The following KCNAB1 variants were observed in gnomAD, a reference collection of about 807,000 sequenced individuals.
KCNAB1 encodes the protein potassium voltage-gated channel subfamily A regulatory beta subunit 1.
KCNAB1 carries 35 observed loss-of-function variants against 64.6 expected under a neutral mutation model. That is an observed-to-expected ratio of 0.54 (90% CI 0.41 to 0.72). KCNAB1 has a LOEUF of 0.72. Among genes scored for constraint, KCNAB1 ranks in the 30% least tolerant of loss-of-function variants. The pLI is 0.00. For missense variants in KCNAB1, 401 were observed against 512.9 expected, an observed-to-expected ratio of 0.78 and a Z score of 2.11; for synonymous variants, 177 against 183.8, an observed-to-expected ratio of 0.96 and a Z score of 0.30.
chr3:156,474,967 C>T, intron 8 of KCNAB1, 147 bp downstream of exon 8: 1 of 631,012 alleles, frequency 1.6e-6, no homozygotes, highest in Non-Finnish European at 2.7e-6. Context: ...CTTTTGGCCT[C>T]AGCGTTTAAC....
chr3:156,248,371 C>A (rs929723144), intron 1 of KCNAB1, among the ~76,000 whole-genome samples: 2 of 151,988 alleles, frequency 1.3e-5, no homozygotes, highest in African/African-American at 2.4e-5. Flanking sequence ...CAAAACTCCC[C>A]GGTAGTTCTG....
At chr3:156,244,678 C>T (rs749106212) in intron 1 of KCNAB1, among the ~76,000 whole-genome samples, 5 of 152,180 alleles carry the variant, frequency 3.3e-5, no homozygotes, top group Non-Finnish European at 5.9e-5. Context: ...TCTGACTTAA[C>T]CCTGATAGAT....
chr3:156,327,307 G>A (rs2108037229), intron 1 of KCNAB1, among the ~76,000 whole-genome samples: 1 of 152,242 alleles, frequency 6.6e-6, no homozygotes, highest in Admixed American at 6.5e-5. Context: ...CAAATGCCTT[G>A]TCTTTGAGTA....
intron 1 of KCNAB1, among the ~76,000 whole-genome samples, chr3:156,264,937 T>C (rs1718615115): frequency 6.6e-6 from 1 of 152,216 alleles, no homozygotes; most frequent in African/African-American, 2.4e-5. Flanking sequence ...CCAACTACTA[T>C]CTTGAGTTGT....
chr3:156,372,147 T>A (rs1726344886), intron 1 of KCNAB1, among the ~76,000 whole-genome samples: 1 of 152,148 alleles, frequency 6.6e-6, no homozygotes, highest in Non-Finnish European at 1.5e-5. Context: ...AAAGGGAGAT[T>A]GGATACAACA....
intron 1 of KCNAB1, among the ~76,000 whole-genome samples, chr3:156,282,932 G>A (rs1459624638): frequency 6.6e-6 from 1 of 151,746 alleles, no homozygotes; most frequent in Non-Finnish European, 1.5e-5. Context: ...TTGCCAGTCT[G>A]TGTCTTTTAA....
intron 8 of KCNAB1, among the ~76,000 whole-genome samples, chr3:156,509,375 G>GTGCTGTTGC (rs753659577): frequency 6.6e-6 from 1 of 150,942 alleles, no homozygotes; most frequent in Non-Finnish European, 1.5e-5. Flanking sequence ...AAGTTTCCAG[G>GTGCTGTTGC]TGCTGCTGCT....
chr3:156,512,940 C>T (rs1717307478), intron 8 of KCNAB1, among the ~76,000 whole-genome samples: 1 of 152,230 alleles, frequency 6.6e-6, no homozygotes, highest in African/African-American at 2.4e-5. Context: ...AGGACGGGAG[C>T]AGTGGCTCAC....
intron 1 of KCNAB1, among the ~76,000 whole-genome samples, chr3:156,261,753 T>C (rs1718442660): frequency 6.6e-6 from 1 of 152,004 alleles, no homozygotes; most frequent in Admixed American, 6.5e-5. Flanking sequence ...CAAATCAGCT[T>C]GTTAATTTTT....
chr3:156,382,504 AAAAC>A (rs1712239766), intron 1 of KCNAB1, among the ~76,000 whole-genome samples: 1 of 152,106 alleles, frequency 6.6e-6, no homozygotes, highest in South Asian at 2.1e-4. Flanking sequence ...ACGAAAACAA[AAAAC>A]AAACAAAAAA....
intron 7 of KCNAB1, among the ~76,000 whole-genome samples, chr3:156,472,905 G>C (rs1426962882): frequency 6.6e-6 from 1 of 152,168 alleles, no homozygotes; most frequent in African/African-American, 2.4e-5. Flanking sequence ...ACACCTGTCT[G>C]TGACATGCCT....
At chr3:156,493,174 A>C (rs1715755429) in intron 8 of KCNAB1, among the ~76,000 whole-genome samples, 1 of 152,038 alleles carries the variant, frequency 6.6e-6, no homozygotes. Context: ...TCAGATGCCA[A>C]CCCGTCTCTC....
intron 7 of KCNAB1, chr3:156,474,529 C>CTT: frequency 2.4e-6 from 1 of 408,614 alleles, no homozygotes; most frequent in Non-Finnish European, 4.5e-6. Flanking sequence ...TGAAAAAGCT[C>CTT]TAAGACTTTT....
At chr3:156,274,656 T>C (rs529929141) in intron 1 of KCNAB1, among the ~76,000 whole-genome samples, 1 of 152,330 alleles carries the variant, frequency 6.6e-6, no homozygotes, top group South Asian at 2.1e-4. Context: ...GCTCAAACTC[T>C]ACCATTAAGT....
At chr3:156,420,070 T>C (rs1453634710) in intron 1 of KCNAB1, among the ~76,000 whole-genome samples, 1 of 152,268 alleles carries the variant, frequency 6.6e-6, no homozygotes, top group East Asian at 1.9e-4. Flanking sequence ...TGCAACAGTT[T>C]TCTTCCAGTT....
chr3:156,453,576 T>A (rs1413157526), intron 3 of KCNAB1, among the ~76,000 whole-genome samples: 2 of 152,172 alleles, frequency 1.3e-5, no homozygotes, highest in Non-Finnish European at 2.9e-5. Flanking sequence ...ACAATAAAAT[T>A]CCTTTAGATC....
chr3:156,493,635 C>T (rs1228166751), intron 8 of KCNAB1, among the ~76,000 whole-genome samples: 2 of 152,088 alleles, frequency 1.3e-5, no homozygotes, highest in Non-Finnish European at 2.9e-5. Flanking sequence ...CAGCTGCCCA[C>T]TAATATCCTT....
At chr3:156,447,269 C>T (rs1201765301) in intron 2 of KCNAB1, among the ~76,000 whole-genome samples, 1 of 152,134 alleles carries the variant, frequency 6.6e-6, no homozygotes, top group African/African-American at 2.4e-5. Flanking sequence ...TTTTATTTTA[C>T]ATTTTATTTA....
intron 1 of KCNAB1, among the ~76,000 whole-genome samples, chr3:156,246,362 T>G (rs1284379741): frequency 6.6e-6 from 1 of 151,994 alleles, no homozygotes; most frequent in Non-Finnish European, 1.5e-5. Flanking sequence ...TCCCAGCACT[T>G]TGGGAGGCCG....
Sources: allele counts gnomAD v4.1 joint callset (sites outside exome capture counted in the v4.1 genomes callset), GRCh38; gene constraint gnomAD v4.1.1; transcripts MANE v1.5; gene names NCBI Gene and HGNC (gene_info 2026-07-23, HGNC 2026-07-21).